Variants in CYTH1 observed in about 807,000 individuals in gnomAD.
CYTH1 encodes the protein cytohesin-1.
A neutral mutation model predicts 61.8 loss-of-function variants in CYTH1; 18 were observed. The observed-to-expected ratio is 0.29, with a 90% CI of 0.20 to 0.43. CYTH1 has a LOEUF of 0.43. Ranked by LOEUF, CYTH1 falls within the 20% of genes least tolerant of loss-of-function variation. CYTH1 has a pLI of 1.00. For synonymous variants in CYTH1, 174 were observed against 184.3 expected (o/e 0.94, Z 0.45); for missense variants, 336 against 510.5 (o/e 0.66, Z 3.29).
chr17:78,749,026 C>T (rs1468460369), intron 1 of CYTH1, among the ~76,000 whole-genome samples: 1 of 152,184 alleles, frequency 6.6e-6, no homozygotes, highest in Non-Finnish European at 1.5e-5. Context: ...CACCCACATA[C>T]TGTGTGAGGC....
intron 1 of CYTH1, among the ~76,000 whole-genome samples, chr17:78,764,924 G>A (rs559796131): frequency 1.3e-5 from 2 of 151,994 alleles, no homozygotes; most frequent in Non-Finnish European, 2.9e-5. Context: ...GGTTCCCGGG[G>A]GATGAGCATT....
chr17:78,748,157 A>G (rs986743468), intron 1 of CYTH1, among the ~76,000 whole-genome samples: 2 of 152,218 alleles, frequency 1.3e-5, no homozygotes, highest in African/African-American at 4.8e-5. Flanking sequence ...CACACCGGAA[A>G]CAAACTAAAG....
intron 11 of CYTH1, among the ~76,000 whole-genome samples, chr17:78,685,261 C>A (rs911983026): frequency 1.5e-4 from 23 of 150,980 alleles, no homozygotes; most frequent in African/African-American, 5.6e-4. Flanking sequence ...CAACATGCTT[C>A]CATTTTAACA....
intron 11 of CYTH1, among the ~76,000 whole-genome samples, chr17:78,687,451 T>C (rs1445844543): frequency 6.6e-6 from 1 of 152,220 alleles, no homozygotes; most frequent in African/African-American, 2.4e-5. Flanking sequence ...GCCACTGTCA[T>C]TTGCGATCTC....
chr17:78,768,435 A>G (rs1221797117), intron 1 of CYTH1, among the ~76,000 whole-genome samples: 1 of 152,208 alleles, frequency 6.6e-6, no homozygotes, highest in Admixed American at 6.5e-5. Context: ...TGGACACTGT[A>G]CAAGTACCAC....
At chr17:78,728,265 G>C (rs1006835312) in intron 1 of CYTH1, among the ~76,000 whole-genome samples, 13 of 152,134 alleles carry the variant, frequency 8.5e-5, no homozygotes, top group African/African-American at 2.9e-4. Flanking sequence ...CATTATTTAC[G>C]CCGGGTGCAG....
intron 11 of CYTH1, among the ~76,000 whole-genome samples, chr17:78,686,802 G>A (rs2092821384): frequency 1.3e-5 from 2 of 151,914 alleles, no homozygotes; most frequent in East Asian, 3.9e-4. Context: ...ATTTTGGGGG[G>A]CACAGTTTTG....
At chr17:78,692,523 CAA>C in intron 10 of CYTH1, 30 bp from the exon 11 acceptor site, 1 of 1,610,120 alleles carries the variant, frequency 6.2e-7, no homozygotes, top group South Asian at 1.1e-5. Flanking sequence ...GCACGTTCGA[CAA>C]GAGACAACCA....
intron 1 of CYTH1, among the ~76,000 whole-genome samples, chr17:78,760,375 A>ATG (rs1414017203): frequency 4.7e-5 from 3 of 63,288 alleles, no homozygotes; most frequent in Non-Finnish European, 9.4e-5. Context: ...ATATATATAT[A>ATG]TATATATATA....
At position 78,752,055 on chromosome 17, in the gene CYTH1, A is replaced by T. The variant is rs28367164; in HGVS notation, c.22+30147T>A. 4.6e-3 allele frequency among the ~76,000 whole-genome samples: 702 copies of T among 152,306 alleles called. 7 individuals carry two copies. The highest frequency in any genetic ancestry group is 0.016 in the African/African-American group (655 of 41,562). ...CCGGCCTCAAATGATAATTTCAAATAGTCTAGTTCAAAGATCCTATTACTG... is the reference window on the plus strand; with the variant it reads ...CCGGCCTCAAATGATAATTTCAAATTGTCTAGTTCAAAGATCCTATTACTG... On this transcript the variant is annotated intron_variant, in intron 1 of 13. Coordinates refer to ENST00000446868, the MANE Select transcript of CYTH1 (RefSeq NM_004762.6).
In CYTH1 at chr17:78,736,704, C is replaced by T. The variant is rs1184372173; in HGVS notation, c.23-26972G>A. ...GGCTTTGACTCACCGTCCTCCTCTTCGGTTTTAAGGACCATCTTGTTTCCT... is the reference window on the plus strand; with the variant it reads ...GGCTTTGACTCACCGTCCTCCTCTTTGGTTTTAAGGACCATCTTGTTTCCT... On this transcript the variant is annotated intron_variant, in intron 1 of 13. Coordinates refer to ENST00000446868, the MANE Select transcript of CYTH1 (RefSeq NM_004762.6). 2.4e-5 allele frequency: 10 copies of T among 416,170 alleles called. 1 individual carries two copies. Among genetic ancestry groups the T allele is most frequent in the Admixed American group, 7.9e-5 (3 of 37,784 alleles). The allele number at this position is 416,170 out of a possible 1,614,324, so 25.8% of individuals were successfully genotyped here.
intron 3 of CYTH1, among the ~76,000 whole-genome samples, chr17:78,705,900 C>T (rs2093060385): frequency 6.6e-6 from 1 of 152,080 alleles, no homozygotes; most frequent in Non-Finnish European, 1.5e-5. Flanking sequence ...TCTATGGTAA[C>T]TGACAGAGAA....
At chr17:78,733,103 AAAAG>A (rs1413663309) in intron 1 of CYTH1, among the ~76,000 whole-genome samples, 5 of 151,164 alleles carry the variant, frequency 3.3e-5, no homozygotes, top group Admixed American at 1.3e-4. Context: ...AAAAAAAAAA[AAAAG>A]GATAACATGG....
At chr17:78,695,933 A>G (rs1958956406) in intron 10 of CYTH1, 74 bp downstream of exon 10, 10 of 1,362,308 alleles carry the variant, frequency 7.3e-6, no homozygotes, top group Non-Finnish European at 9.8e-6. Context: ...ATAACCAAAA[A>G]TAACGAAATC....
Position 78,674,859 on chromosome 17 carries a change from A to C in CYTH1, c.*1232T>G, listed in dbSNP as rs1036795251. ...CGGCTCCCTTCATACTGTAATGAGG[A>C]GGGGCAGGGCCAGCTCACACAGCGC... On this transcript the variant is annotated 3_prime_UTR_variant, in exon 14 of 14. Coordinates refer to ENST00000446868, the MANE Select transcript of CYTH1 (RefSeq NM_004762.6). 3 of 152,560 alleles carry C rather than the reference A, an allele frequency of 2.0e-5. No individual in the cohort carries two copies. The highest frequency in any genetic ancestry group is 7.2e-5 in the African/African-American group (3 of 41,460). 9.5% of individuals were successfully genotyped at this position (152,560 alleles called of 1,614,324 possible).
chr17:78,759,610 T>G (rs1462566765), intron 1 of CYTH1, among the ~76,000 whole-genome samples: 2 of 152,200 alleles, frequency 1.3e-5, no homozygotes, highest in Non-Finnish European at 2.9e-5. Context: ...TCTTGCTTCT[T>G]TCATCTGTTG....
intron 9 of CYTH1, 24 bp from the exon 10 acceptor site, chr17:78,696,033 G>C (rs2092934715): frequency 7.3e-7 from 1 of 1,367,648 alleles, no homozygotes; most frequent in African/African-American, 1.5e-5. Flanking sequence ...CAAGGAAAAG[G>C]AGAGCCAAAA....
chr17:78,772,317 C>T (rs768444111), intron 1 of CYTH1, among the ~76,000 whole-genome samples: 1 of 152,190 alleles, frequency 6.6e-6, no homozygotes, highest in Non-Finnish European at 1.5e-5. Flanking sequence ...TTCATCTCTC[C>T]TGTTCCAAAT....
chr17:78,702,258 A>T lies in CYTH1; in HGVS notation c.238-18T>A. 6.3e-7 allele frequency: 1 copy of T among 1,590,412 alleles called. No individual in the cohort carries two copies. Among genetic ancestry groups the T allele is most frequent in the Non-Finnish European group, 8.6e-7 (1 of 1,158,880 alleles). ...TGGATCCCCTAGAAAAAGACAACAA[A>T]GACGCCAATGATGCTTTGCTGGGAA... On this transcript the variant is annotated intron_variant, in intron 4 of 13. Coordinates refer to ENST00000446868, the MANE Select transcript of CYTH1 (RefSeq NM_004762.6).
Sources: gnomAD v4.1 joint callset for allele counts (sites outside exome capture counted in the v4.1 genomes callset) on GRCh38, gnomAD v4.1.1 for gene constraint, MANE v1.5 for transcripts, NCBI Gene and HGNC (gene_info 2026-07-23, HGNC 2026-07-21) for gene names.